The following SORCS2 variants were observed in gnomAD, a reference collection of about 807,000 sequenced individuals.
The protein encoded by SORCS2 is sortilin related VPS10 domain containing receptor 2.
In SORCS2, 100 loss-of-function variants were observed where a neutral mutation model predicts 141.6. That is an observed-to-expected ratio of 0.71 (90% CI 0.60 to 0.83). SORCS2 has a LOEUF of 0.83. SORCS2 is among the 40% of genes least tolerant of loss of function. The pLI is 0.00. For synonymous variants in SORCS2, 789 were observed against 676.9 expected (o/e 1.17, Z -2.57); for missense variants, 1,646 against 1,560.2 (o/e 1.05, Z -0.93).
chr4:7,739,109 T>A (rs1712441701), intron 26 of SORCS2, among the ~76,000 whole-genome samples: 1 of 152,054 alleles, frequency 6.6e-6, no homozygotes, highest in Non-Finnish European at 1.5e-5. Context: ...ACTGCACAGA[T>A]GAGAAAGCTG....
chr4:7,641,810 A>ATGGATGGG (rs1329831749), intron 4 of SORCS2, among the ~76,000 whole-genome samples: 1 of 125,722 alleles, frequency 8.0e-6, no homozygotes, highest in African/African-American at 3.0e-5. Flanking sequence ...GGATGGATGG[A>ATGGATGGG]TGGATGGGTG....
rs186027101 is a variant in SORCS2 at position 7,466,644 on chromosome 4, C to T, written c.549-64886C>T. ...TAGGAGGTGGGCACCTTGGCCCAGG[C>T]AGTAGCTGGTGAGGACTGAGCCCGG... On this transcript the variant is annotated intron_variant, in intron 2 of 26. Transcript: ENST00000507866. Among the ~76,000 whole-genome samples the T allele has an allele frequency of 1.1e-3, 163 of 152,278 alleles. 1 individual carries two copies. Among genetic ancestry groups the T allele is most frequent in the African/African-American group, 3.5e-3 (147 of 41,560 alleles).
At chr4:7,625,180 C>G (rs1044404467) in intron 3 of SORCS2, among the ~76,000 whole-genome samples, 1 of 152,164 alleles carries the variant, frequency 6.6e-6, no homozygotes, top group African/African-American at 2.4e-5. Context: ...AGAACCAGCT[C>G]TTTCCTGACA....
intron 3 of SORCS2, among the ~76,000 whole-genome samples, chr4:7,579,234 C>T (rs1320954832): frequency 1.3e-5 from 2 of 152,154 alleles, no homozygotes; most frequent in Non-Finnish European, 2.9e-5. Flanking sequence ...AATAATGATG[C>T]ATGGATCATT....
At chr4:7,229,139 T>C (rs974263676) in intron 1 of SORCS2, among the ~76,000 whole-genome samples, 1 of 152,160 alleles carries the variant, frequency 6.6e-6, no homozygotes, top group Non-Finnish European at 1.5e-5. Flanking sequence ...TTTCTACTTT[T>C]GGGTATAGGG....
chr4:7,398,783 A>G (rs1724383210), intron 2 of SORCS2, among the ~76,000 whole-genome samples: 1 of 152,184 alleles, frequency 6.6e-6, no homozygotes, highest in Admixed American at 6.5e-5. Context: ...GTTCACTCTA[A>G]TACTTAGCTG....
chr4:7,194,945 T>C (rs1727081412), intron 1 of SORCS2, among the ~76,000 whole-genome samples: 1 of 151,726 alleles, frequency 6.6e-6, no homozygotes, highest in South Asian at 2.1e-4. Flanking sequence ...AGGAGCCCCA[T>C]GTGAGGGGAT....
intron 1 of SORCS2, among the ~76,000 whole-genome samples, chr4:7,285,836 C>T (rs915918507): frequency 3.3e-5 from 5 of 152,186 alleles, no homozygotes; most frequent in Admixed American, 6.5e-5. Flanking sequence ...GCTGTTAGAG[C>T]AGAACTGAGT....
chr4:7,223,710 C>T (rs1296450257), intron 1 of SORCS2, among the ~76,000 whole-genome samples: 1 of 152,118 alleles, frequency 6.6e-6, no homozygotes, highest in African/African-American at 2.4e-5. Flanking sequence ...GTGCAGGTGC[C>T]TCAGGGGCCT....
At chr4:7,628,278 C>T (rs1808196) in intron 3 of SORCS2, among the ~76,000 whole-genome samples, 22,118 of 152,022 alleles carry the variant, frequency 0.15, 1,668 homozygotes, top group Middle Eastern at 0.18. Context: ...ATCCCAGCAC[C>T]TTCGGAGGCC....
At chr4:7,327,674 G>A (rs960461205) in intron 1 of SORCS2, among the ~76,000 whole-genome samples, 3 of 152,130 alleles carry the variant, frequency 2.0e-5, no homozygotes, top group Admixed American at 6.5e-5. Flanking sequence ...AGTGTCTCCC[G>A]GGACGTCTCT....
chr4:7,301,885 C>T (rs905438608), intron 1 of SORCS2, among the ~76,000 whole-genome samples: 1 of 152,208 alleles, frequency 6.6e-6, no homozygotes, highest in African/African-American at 2.4e-5. Flanking sequence ...TGGATAAATC[C>T]AATATTCAGA....
intron 2 of SORCS2, among the ~76,000 whole-genome samples, chr4:7,443,053 C>T (rs1179801125): frequency 6.6e-6 from 1 of 152,222 alleles, no homozygotes; most frequent in Non-Finnish European, 1.5e-5. Flanking sequence ...AAATTTCCTT[C>T]TTCCTATGAG....
At chr4:7,457,866 G>T (rs2109314211) in intron 2 of SORCS2, among the ~76,000 whole-genome samples, 1 of 152,348 alleles carries the variant, frequency 6.6e-6, no homozygotes, top group East Asian at 1.9e-4. Flanking sequence ...AGCTGACACA[G>T]CTGCCTGTTG....
At position 7,193,142 on chromosome 4, in the gene SORCS2, G is replaced by A. The variant is rs1726949949; in HGVS notation, c.480+16G>A. The A allele has an allele frequency of 6.6e-7, 1 of 1,503,902 alleles. No individual in the cohort carries two copies. 93.2% of individuals were successfully genotyped at this position (1,503,902 alleles called of 1,614,324 possible). A position where few individuals can be genotyped will look rare whatever the true frequency, so the allele number is the denominator to read the frequency against. On this transcript the variant is annotated intron_variant, in intron 1 of 26. Coordinates refer to ENST00000507866, the MANE Select transcript of SORCS2 (RefSeq NM_020777.3). The surrounding 1 kb of genome is among the most constrained non-coding windows in gnomAD (Gnocchi z 4.8). ...GAACAGCAGCGTAAGTGACCTCCACGCGCTCGCCGCGGCCCCTACCCGGGA... is the reference window on the plus strand; with the variant it reads ...GAACAGCAGCGTAAGTGACCTCCACACGCTCGCCGCGGCCCCTACCCGGGA...
Position 7,596,966 on chromosome 4 carries a change from G to A in SORCS2, c.649-41362G>A, listed in dbSNP as rs184913718. ...GCTCAGCTCTTTGAATCTGGAAAAA[G>A]CTAAGCAGAAAACCACCAAGAGCCA... On this transcript the variant is annotated intron_variant, in intron 3 of 26. Coordinates refer to ENST00000507866, the MANE Select transcript of SORCS2 (RefSeq NM_020777.3). Among the ~76,000 whole-genome samples, 5 of 152,160 alleles carry A rather than the reference G, an allele frequency of 3.3e-5. No individual in the cohort carries two copies. In the East Asian group the frequency reaches 9.7e-4, roughly 29 times the overall value.
intron 1 of SORCS2, among the ~76,000 whole-genome samples, chr4:7,261,042 G>A (rs1272713101): frequency 1.3e-5 from 2 of 152,172 alleles, no homozygotes; most frequent in Non-Finnish European, 2.9e-5. Context: ...CTTGGGAAAA[G>A]CCATCTCAGA....
intron 1 of SORCS2, among the ~76,000 whole-genome samples, chr4:7,364,349 C>T (rs73079972): frequency 0.026 from 3,967 of 152,256 alleles, 187 homozygotes; most frequent in African/African-American, 0.089. Flanking sequence ...CCTGTCTTTT[C>T]GGTGACATCT....
chr4:7,521,184 A>G (rs1030128366), intron 2 of SORCS2, among the ~76,000 whole-genome samples: 1 of 152,064 alleles, frequency 6.6e-6, no homozygotes, highest in African/African-American at 2.4e-5. Flanking sequence ...ATGGTGGGCA[A>G]TGATCTCGCT....
Sources: gnomAD v4.1 joint callset for allele counts (sites outside exome capture counted in the v4.1 genomes callset) on GRCh38, gnomAD v4.1.1 for gene constraint, Gnocchi (gnomAD v3.1) non-coding constraint, MANE v1.5 for transcripts, NCBI Gene and HGNC (gene_info 2026-07-23, HGNC 2026-07-21) for gene names.